The following ASIC2 variants were observed in gnomAD, a reference collection of about 807,000 sequenced individuals.
The protein encoded by ASIC2 is acid-sensing ion channel 2.
A neutral mutation model predicts 57.3 loss-of-function variants in ASIC2; 25 were observed. That is an observed-to-expected ratio of 0.44 (90% confidence interval 0.32 to 0.61). The LOEUF is 0.61. ASIC2 is among the 20% of genes least tolerant of loss of function. The pLI is 0.06. For missense variants in ASIC2, 641 were observed against 738.1 expected (o/e 0.87, Z 1.52); for synonymous variants, 319 against 307.5 (o/e 1.04, Z -0.39).
intron 1 of ASIC2, among the ~76,000 whole-genome samples, chr17:33,555,441 T>C (rs1465603582): frequency 1.3e-5 from 2 of 152,006 alleles, no homozygotes; most frequent in African/African-American, 2.4e-5. Flanking sequence ...GCAACATGTG[T>C]ATGAAGATAA....
chr17:33,568,153 A>C (rs1019352012), intron 1 of ASIC2, among the ~76,000 whole-genome samples: 3 of 152,054 alleles, frequency 2.0e-5, no homozygotes, highest in African/African-American at 7.2e-5. Flanking sequence ...ACATGACCCA[A>C]ATGGGTGCCA....
At chr17:34,128,717 C>T (rs1911861643) in intron 1 of ASIC2, among the ~76,000 whole-genome samples, 2 of 152,192 alleles carry the variant, frequency 1.3e-5, no homozygotes, top group African/African-American at 4.8e-5. Context: ...TGCCGTGTTA[C>T]TACATGCAAA....
Position 33,291,579 on chromosome 17 carries a change from C to A in ASIC2, c.537G>T (p.Glu179Asp). The change falls in exon 1 of 10, where the codon GAG (glutamate) becomes GAT (aspartate). Residue 179 changes from glutamate to aspartate, a missense_variant. By Grantham distance (45) the Glu-to-Asp change is conservative (BLOSUM62 2). This residue lies in a region of ASIC2 where 382 missense variants were observed against 398.0 expected (regional missense o/e 0.96). Transcript: ENST00000225823. ...GCTTGCGGAACCACTGGCGGCGCGGCTCGTCGCCCCGCAGCAGCTCGCTGA... is the reference window on the plus strand; with the variant it reads ...GCTTGCGGAACCACTGGCGGCGCGGATCGTCGCCCCGCAGCAGCTCGCTGA... ...PLVSELLRGD[E>D]PRRQWFRKLA... 6.2e-7 allele frequency: 1 copy of A among 1,608,986 alleles called. No individual in the cohort carries two copies. Among genetic ancestry groups the A allele is most frequent in the Non-Finnish European group, 8.5e-7 (1 of 1,178,842 alleles).
At chr17:33,443,386 T>C (rs935032284) in intron 1 of ASIC2, among the ~76,000 whole-genome samples, 33 of 149,964 alleles carry the variant, frequency 2.2e-4, no homozygotes, top group African/African-American at 7.3e-4. Flanking sequence ...GAACTTTTTT[T>C]ATGTATGGTG....
intron 1 of ASIC2, among the ~76,000 whole-genome samples, chr17:33,584,518 T>C (rs1904548267): frequency 6.6e-6 from 1 of 152,118 alleles, no homozygotes; most frequent in African/African-American, 2.4e-5. Flanking sequence ...GTGTCTGTTG[T>C]GATAGAGCCC....
rs1912149953 is a variant in ASIC2 at position 34,137,155 on chromosome 17, G to C, written c.555+18823C>G. 1.3e-5 allele frequency among the ~76,000 whole-genome samples: 2 copies of C among 152,254 alleles called. 1 individual carries two copies. The highest frequency in any genetic ancestry group is 4.1e-4 in the South Asian group (2 of 4,820). On this transcript the variant is annotated intron_variant, in intron 1 of 9. Coordinates refer to the ASIC2 transcript ENST00000359872. ...ATGACAGTTCTAATTAAAATTATTT[G>C]TTTGTATATCTGTAACCTTCTAAAA...
chr17:33,464,670 C>CTCT (rs1912796178), intron 1 of ASIC2, among the ~76,000 whole-genome samples: 1 of 122,736 alleles, frequency 8.1e-6, no homozygotes, highest in Non-Finnish European at 1.7e-5. Context: ...TCTCTCTCTC[C>CTCT]CTCTCTCTCT....
At chr17:33,254,105 T>G (rs1293878885) in intron 1 of ASIC2, among the ~76,000 whole-genome samples, 1 of 152,222 alleles carries the variant, frequency 6.6e-6, no homozygotes, top group African/African-American at 2.4e-5. Flanking sequence ...ACTCTGGGGC[T>G]TGGAGGTGAA....
intron 1 of ASIC2, among the ~76,000 whole-genome samples, chr17:33,516,784 C>G (rs1914585227): frequency 6.6e-6 from 1 of 152,206 alleles, no homozygotes; most frequent in African/African-American, 2.4e-5. Flanking sequence ...CTCTGGGACA[C>G]TTTGCCTGAC....
At chr17:33,142,296 C>T (rs1402503703) in intron 1 of ASIC2, among the ~76,000 whole-genome samples, 1 of 152,156 alleles carries the variant, frequency 6.6e-6, no homozygotes, top group Non-Finnish European at 1.5e-5. Context: ...TAACTGGACT[C>T]TTTATGGTGT....
intron 3 of ASIC2, among the ~76,000 whole-genome samples, chr17:33,086,577 G>T (rs2092134613): frequency 6.6e-6 from 1 of 152,196 alleles, no homozygotes; most frequent in Non-Finnish European, 1.5e-5. Context: ...ACTCTAGCCA[G>T]GCTCTTCTGA....
chr17:34,042,107 C>T (rs1462389674), intron 1 of ASIC2, among the ~76,000 whole-genome samples: 1 of 152,180 alleles, frequency 6.6e-6, no homozygotes, highest in African/African-American at 2.4e-5. Flanking sequence ...GCACTATAAT[C>T]CTCATATGCT....
intron 2 of ASIC2, among the ~76,000 whole-genome samples, chr17:33,106,141 T>C (rs1212672863): frequency 6.6e-6 from 1 of 151,884 alleles, no homozygotes; most frequent in Non-Finnish European, 1.5e-5. Flanking sequence ...TGCCCCAAAG[T>C]GAGGGTGTTC....
At chr17:33,249,300 C>T (rs1008594071) in intron 1 of ASIC2, among the ~76,000 whole-genome samples, 9 of 151,900 alleles carry the variant, frequency 5.9e-5, no homozygotes, top group Admixed American at 5.9e-4. Context: ...GTCTAAACAT[C>T]CACATGGAGA....
intron 1 of ASIC2, among the ~76,000 whole-genome samples, chr17:33,751,431 G>C (rs1428927985): frequency 1.3e-5 from 2 of 152,184 alleles, no homozygotes; most frequent in Non-Finnish European, 2.9e-5. Context: ...TTTCTGAAGA[G>C]ATAAGATATA....
At chr17:33,814,879 T>G (rs2141888582) in intron 1 of ASIC2, among the ~76,000 whole-genome samples, 1 of 152,360 alleles carries the variant, frequency 6.6e-6, no homozygotes, top group Non-Finnish European at 1.5e-5. Context: ...TAGTGGGGTC[T>G]GTAGTCTCTT....
chr17:33,844,524 C>T (rs1032483434), intron 1 of ASIC2, among the ~76,000 whole-genome samples: 16 of 152,172 alleles, frequency 1.1e-4, no homozygotes, highest in Non-Finnish European at 1.9e-4. Flanking sequence ...ACTCTCTGCC[C>T]CAACATTGCT....
intron 1 of ASIC2, among the ~76,000 whole-genome samples, chr17:33,818,587 C>A (rs994724810): frequency 9.8e-5 from 15 of 152,310 alleles, no homozygotes; most frequent in African/African-American, 3.6e-4. Flanking sequence ...TTGGCTGTCA[C>A]AACTACTGTG....
chr17:33,975,592 A>G (rs913419870), intron 1 of ASIC2, among the ~76,000 whole-genome samples: 5 of 152,164 alleles, frequency 3.3e-5, no homozygotes, highest in African/African-American at 1.2e-4. Flanking sequence ...CTCCCATGGA[A>G]TCAAGGTCAT....
Sources: allele counts gnomAD v4.1 joint callset (sites outside exome capture counted in the v4.1 genomes callset), GRCh38; gene constraint gnomAD v4.1.1; regional missense constraint gnomAD v4.1.1; transcripts MANE v1.5; gene names NCBI Gene and HGNC (gene_info 2026-07-23, HGNC 2026-07-21).